JADE1: variants seen among roughly 807,000 people sequenced by gnomAD.
JADE1 encodes the protein protein Jade-1.
JADE1 carries 14 observed loss-of-function variants against 81.8 expected under a neutral mutation model. The ratio of observed to expected loss-of-function variants is 0.17; its 90% confidence interval spans 0.11 to 0.27. The LOEUF (loss-of-function observed/expected upper bound fraction) is 0.27. Among genes scored for constraint, JADE1 ranks in the 10% least tolerant of loss-of-function variants. The pLI, the probability that JADE1 is intolerant of heterozygous loss-of-function variation, is 1.00. For synonymous variants in JADE1, 353 were observed against 391.9 expected, an observed-to-expected ratio of 0.90 and a Z score of 1.17; for missense variants, 690 against 1,047.9, an observed-to-expected ratio of 0.66 and a Z score of 4.71.
intron 1 of JADE1, chr4:128,827,873 C>T: frequency 1.0e-6 from 1 of 985,188 alleles, no homozygotes; most frequent in South Asian, 4.7e-5. Flanking sequence ...TATGAAGATG[C>T]TACCCAGAGT....
intron 2 of JADE1, among the ~76,000 whole-genome samples, chr4:128,839,654 A>G (rs866330027): frequency 6.7e-6 from 1 of 149,560 alleles, no homozygotes; most frequent in African/African-American, 2.5e-5. Context: ...TACAATATGG[A>G]CTCTTTTTTT....
intron 5 of JADE1, among the ~76,000 whole-genome samples, chr4:128,850,222 C>T (rs1730232110): frequency 9.6e-6 from 1 of 104,146 alleles, no homozygotes; most frequent in African/African-American, 3.2e-5. Flanking sequence ...TGAGGTGATT[C>T]TTCTCAAGTC....
intron 8 of JADE1, among the ~76,000 whole-genome samples, chr4:128,860,840 G>A (rs960284790): frequency 6.6e-6 from 1 of 152,172 alleles, no homozygotes; most frequent in African/African-American, 2.4e-5. Context: ...GATCTTTCAC[G>A]GTTCTCCTGC....
At chr4:128,859,630 C>T (rs1042457427) in intron 8 of JADE1, among the ~76,000 whole-genome samples, 3 of 152,160 alleles carry the variant, frequency 2.0e-5, no homozygotes, top group East Asian at 1.9e-4. Flanking sequence ...CACGTGTGCA[C>T]TGGCAGGAAA....
chr4:128,855,522 G>A (rs1730720003), intron 6 of JADE1, 108 bp from the exon 7 acceptor site: 2 of 1,169,230 alleles, frequency 1.7e-6, no homozygotes, highest in Admixed American at 5.8e-5. Context: ...CTGCTTTGGT[G>A]GTAGTTCTGT....
At chr4:128,843,229 A>G (rs1213305751) in intron 3 of JADE1, among the ~76,000 whole-genome samples, 191 bp downstream of exon 3, 1 of 152,270 alleles carries the variant, frequency 6.6e-6, no homozygotes. Flanking sequence ...GGGTTAATTC[A>G]CATAGACTAA....
intron 7 of JADE1, among the ~76,000 whole-genome samples, chr4:128,856,959 C>T (rs1052312730): frequency 6.6e-6 from 1 of 152,106 alleles, no homozygotes; most frequent in Admixed American, 6.5e-5. Context: ...ATTTACTTAC[C>T]CTGTTGTTGA....
At chr4:128,820,171 G>A (rs1341692423) in intron 1 of JADE1, among the ~76,000 whole-genome samples, 15 of 151,924 alleles carry the variant, frequency 9.9e-5, no homozygotes. Context: ...GAGTGCAGTG[G>A]CATGATCTTG....
chr4:128,836,943 GT>G (rs1429117282), intron 2 of JADE1, among the ~76,000 whole-genome samples: 1 of 152,062 alleles, frequency 6.6e-6, no homozygotes, highest in East Asian at 1.9e-4. Context: ...GGTTTTGGTT[GT>G]TCTTAAACTT....
chr4:128,813,373 T>A (rs1726660122), intron 1 of JADE1, among the ~76,000 whole-genome samples: 1 of 149,700 alleles, frequency 6.7e-6, no homozygotes, highest in Non-Finnish European at 1.5e-5. Flanking sequence ...TGTCCTTTTA[T>A]CCCAAAGATC....
chr4:128,819,707 T>G (rs936787719), intron 1 of JADE1, among the ~76,000 whole-genome samples: 1 of 152,266 alleles, frequency 6.6e-6, no homozygotes, highest in Non-Finnish European at 1.5e-5. Flanking sequence ...GTGACCATCT[T>G]GCCATGAATC....
chr4:128,826,585 G>T (rs1728093550), intron 1 of JADE1, among the ~76,000 whole-genome samples: 2 of 143,988 alleles, frequency 1.4e-5, no homozygotes, highest in Non-Finnish European at 3.0e-5. Flanking sequence ...GGCCAGGCTT[G>T]TCTCGAACTC....
In JADE1 at chr4:128,872,787, T is replaced by C; in HGVS notation, c.*525T>C. Reference sequence around the variant, plus strand: ...AGCATATAGGCAGCAGCTCTGAAGCTTCAGTAACACTAAGAAATTTATGTG... The same window carrying C: ...AGCATATAGGCAGCAGCTCTGAAGCCTCAGTAACACTAAGAAATTTATGTG... On this transcript the variant is annotated 3_prime_UTR_variant, in exon 11 of 11. Transcript: ENST00000226319. The C allele has an allele frequency of 2.6e-6, 1 of 383,102 alleles. No homozygotes were observed. The highest frequency in any genetic ancestry group is 5.3e-6 in the Non-Finnish European group (1 of 187,088). 23.7% of individuals were successfully genotyped at this position (383,102 alleles called of 1,614,324 possible).
chr4:128,812,093 TGGC>T, intron 1 of JADE1: 1 of 150,570 alleles, frequency 6.6e-6, no homozygotes, highest in Non-Finnish European at 1.5e-5. Context: ...TTGGTGCAGC[TGGC>T]GGCGGCGGGG....
At chr4:128,833,471 G>T (rs561377450) in intron 2 of JADE1, among the ~76,000 whole-genome samples, 1 of 152,130 alleles carries the variant, frequency 6.6e-6, no homozygotes, top group African/African-American at 2.4e-5. Flanking sequence ...TTGGGAGGCC[G>T]AGGTGGGTGG....
Position 128,874,679 on chromosome 4 carries a change from A to T in JADE1, c.*2417A>T, listed in dbSNP as rs1732443557. On this transcript the variant is annotated 3_prime_UTR_variant, in exon 11 of 11. Coordinates refer to ENST00000226319, the MANE Select transcript of JADE1 (RefSeq NM_199320.4). ...TCTCTATGAGGTGGCCATAAGCAGC[A>T]ACCAGCCCAAACACCCACTTGCGTT... The T allele has an allele frequency of 6.6e-6, 1 of 151,662 alleles. No individual in the cohort carries two copies. Among genetic ancestry groups the T allele is most frequent in the African/African-American group, 2.4e-5 (1 of 41,342 alleles). The allele number at this position is 151,662 out of a possible 1,614,324, so 9.4% of individuals were successfully genotyped here.
intron 1 of JADE1, among the ~76,000 whole-genome samples, chr4:128,828,362 G>GT (rs1157246311): frequency 1.3e-5 from 2 of 152,180 alleles, no homozygotes; most frequent in Non-Finnish European, 2.9e-5. Context: ...TACAACCACT[G>GT]TATTGTGTAG....
intron 1 of JADE1, among the ~76,000 whole-genome samples, chr4:128,818,748 G>A (rs1727280294): frequency 6.6e-6 from 1 of 152,168 alleles, no homozygotes; most frequent in South Asian, 2.1e-4. Context: ...TATGAATTTT[G>A]TATGTCATGA....
In JADE1 at chr4:128,838,016, G is replaced by T. The variant is rs74850652; in HGVS notation, c.53-4937G>T. On this transcript the variant is annotated intron_variant, in intron 2 of 10. Coordinates refer to ENST00000226319, the MANE Select transcript of JADE1 (RefSeq NM_199320.4). ...AGTATGTGTTAGATTTACTCTTCAG[G>T]TTTTCCTTATTTTAGATCTAGGGCA... Among the ~76,000 whole-genome samples the T allele has an allele frequency of 5.4e-3, 827 of 152,234 alleles. 11 individuals carry two copies. The highest frequency in any genetic ancestry group is 0.019 in the African/African-American group (774 of 41,526).
Sources: gnomAD v4.1 joint callset for allele counts (sites outside exome capture counted in the v4.1 genomes callset) on GRCh38, gnomAD v4.1.1 for gene constraint, MANE v1.5 for transcripts, NCBI Gene and HGNC (gene_info 2026-07-23, HGNC 2026-07-21) for gene names.